Variants in KANK1 observed in about 807,000 individuals in gnomAD.
The protein encoded by KANK1 is KN motif and ankyrin repeat domain-containing protein 1.
KANK1 carries 109 observed loss-of-function variants against 106.2 expected under a neutral mutation model. The ratio of observed to expected loss-of-function variants is 1.03; its 90% CI spans 0.88 to 1.20. The LOEUF is 1.20. Among genes scored for constraint, KANK1 ranks in the 50% most tolerant of loss-of-function variants. The pLI is 0.00. For missense variants in KANK1, 2,399 were observed against 1,710.7 expected (o/e 1.40, Z -7.10); for synonymous variants, 873 against 652.2 (o/e 1.34, Z -5.16).
rs146251541 is a variant in KANK1, at chr9:688,233, A to G, written c.37+11224A>G. Among the ~76,000 whole-genome samples, 3 of 152,310 alleles carry G rather than the reference A, an allele frequency of 2.0e-5. No individual in the cohort carries two copies. The East Asian group carries it at 5.8e-4, about 29-fold the overall frequency. The stretch of plus-strand genomic sequence containing the variant: ...AGATGGCTTTTACTGTGTCACACAC[A>G]CACTCTTGCGTTCTGCCTCCTCTCG... On this transcript the variant is annotated intron_variant, in intron 2 of 11. Transcript: ENST00000382297.
rs187789003 is a variant in KANK1 at position 573,600 on chromosome 9, A to G, written c.-84+68846A>G. On this transcript the variant is annotated intron_variant, in intron 1 of 11. Coordinates refer to ENST00000382297, the MANE Select transcript of KANK1 (RefSeq NM_015158.5). Reference sequence around the variant, plus strand: ...TTTTTTTTTTAAAGCCAGAAGTAATATAAGTCGGTATCAGTGAGAAAAGGT... The same window carrying G: ...TTTTTTTTTTAAAGCCAGAAGTAATGTAAGTCGGTATCAGTGAGAAAAGGT... Among the ~76,000 whole-genome samples, 20 of 152,238 alleles carry G rather than the reference A, an allele frequency of 1.3e-4. No individual in the cohort carries two copies. In the East Asian group the frequency reaches 3.7e-3, roughly 28 times the overall value.
intron 3 of KANK1, among the ~76,000 whole-genome samples, chr9:499,418 G>T (rs2058512184): frequency 6.6e-6 from 1 of 152,154 alleles, no homozygotes; most frequent in African/African-American, 2.4e-5. Flanking sequence ...AAGGAAAGAT[G>T]TACAGAAGCC....
At chr9:499,561 C>T (rs2058515088) in intron 3 of KANK1, among the ~76,000 whole-genome samples, 1 of 152,108 alleles carries the variant, frequency 6.6e-6, no homozygotes. Context: ...GCCATCCTTG[C>T]AGAGGGGGCT....
intron 1 of KANK1, among the ~76,000 whole-genome samples, chr9:660,854 G>C (rs1392530011): frequency 6.6e-6 from 1 of 152,188 alleles, no homozygotes; most frequent in African/African-American, 2.4e-5. Context: ...CCAATAGCGA[G>C]GTGATAGGAC....
chr9:683,715 CT>C (rs538451043), intron 2 of KANK1, among the ~76,000 whole-genome samples: 17 of 152,266 alleles, frequency 1.1e-4, no homozygotes, highest in Admixed American at 1.1e-3. Context: ...TGGTAAGTTA[CT>C]TTTTTTCTTA....
At chr9:473,983 C>T (rs928857649) in intron 3 of KANK1, among the ~76,000 whole-genome samples, 4 of 152,182 alleles carry the variant, frequency 2.6e-5, no homozygotes, top group African/African-American at 9.7e-5. Context: ...TAGGTGTGAG[C>T]CAGTGTGCCA....
At chr9:564,987 GAGA>G (rs2134554911) in intron 1 of KANK1, among the ~76,000 whole-genome samples, 1 of 152,218 alleles carries the variant, frequency 6.6e-6, no homozygotes, top group African/African-American at 2.4e-5. Context: ...CGGCTTCACT[GAGA>G]AGGAGCCTGG....
intron 3 of KANK1, among the ~76,000 whole-genome samples, chr9:719,427 T>C (rs1164794061): frequency 6.6e-6 from 1 of 152,182 alleles, no homozygotes; most frequent in East Asian, 1.9e-4. Flanking sequence ...CTTTAAAAAT[T>C]AAATCAGAAT....
chr9:626,258 G>A (rs546802932), intron 1 of KANK1, among the ~76,000 whole-genome samples: 3 of 152,198 alleles, frequency 2.0e-5, no homozygotes, highest in South Asian at 4.1e-4. Flanking sequence ...GAGGTCGGGA[G>A]TGACTGGCCA....
In KANK1 at chr9:732,434, C is replaced by G. The variant is rs201759561; in HGVS notation, c.3062C>G (p.Ser1021Ter). The change falls in exon 6 of 12, where the codon TCA becomes TGA. Residue 1021 changes from serine to a stop codon, truncating the protein, a stop_gained. Coordinates refer to ENST00000382297, the MANE Select transcript of KANK1 (RefSeq NM_015158.5). LOFTEE classifies it high-confidence loss of function. ...SSSDESSSSE[S>*]DDECDVIEYP... Reference sequence around the variant, plus strand: ...TCAGATGAAAGCTCTTCTTCCGAGTCAGATGACGAGTGTGATGTCATTGAG... The same window carrying G: ...TCAGATGAAAGCTCTTCTTCCGAGTGAGATGACGAGTGTGATGTCATTGAG... The G allele has an allele frequency of 5.0e-6, 8 of 1,614,058 alleles. No homozygotes were observed. The Admixed American group carries it at 1.0e-4, about 20-fold the overall frequency.
At position 522,792 on chromosome 9, in the gene KANK1, T is replaced by C. The variant is rs1033856030; in HGVS notation, c.-84+18038T>C. The stretch of plus-strand genomic sequence containing the variant: ...TAGCAATGTGTGCCTGCCTGTGCTC[T>C]CCTGACCACCAGCCTCTGACCTACC... On this transcript the variant is annotated intron_variant, in intron 1 of 11. Transcript: ENST00000382297. Among the ~76,000 whole-genome samples the C allele has an allele frequency of 1.3e-5, 2 of 151,698 alleles. 1 individual carries two copies. Among genetic ancestry groups the C allele is most frequent in the Non-Finnish European group, 2.9e-5 (2 of 68,026 alleles).
At chr9:658,417 A>G (rs1563938979) in intron 1 of KANK1, among the ~76,000 whole-genome samples, 1 of 152,090 alleles carries the variant, frequency 6.6e-6, no homozygotes, top group South Asian at 2.1e-4. Flanking sequence ...TTAAAAACTC[A>G]GTAGCTGAAA....
In KANK1 at chr9:732,622, G is replaced by A. The variant is rs1391180389; in HGVS notation, c.3245+5G>A. Reference sequence around the variant, plus strand: ...GAAGGTGGAAATCAGAGAGAGGTGTGGTACATTCCCCTTCCCTCCCTTGCC... The same window carrying A: ...GAAGGTGGAAATCAGAGAGAGGTGTAGTACATTCCCCTTCCCTCCCTTGCC... On this transcript the variant is annotated splice_donor_5th_base_variant and intron_variant, in intron 6 of 11. Coordinates refer to ENST00000382297, the MANE Select transcript of KANK1 (RefSeq NM_015158.5). The A allele has an allele frequency of 1.2e-6, 2 of 1,611,878 alleles. No homozygotes were observed. The highest frequency in any genetic ancestry group is 1.3e-5 in the African/African-American group (1 of 75,016).
At chr9:623,899 A>C (rs1292062993) in intron 1 of KANK1, among the ~76,000 whole-genome samples, 1 of 152,194 alleles carries the variant, frequency 6.6e-6, no homozygotes, top group Non-Finnish European at 1.5e-5. Context: ...AAGACATCAA[A>C]TTAGTATGTC....
At chr9:679,135 C>G (rs942671489) in intron 2 of KANK1, among the ~76,000 whole-genome samples, 2 of 152,120 alleles carry the variant, frequency 1.3e-5, no homozygotes, top group Admixed American at 6.5e-5. Flanking sequence ...AGAAAGCTCT[C>G]CGATTTGTGA....
At chr9:630,662 G>A (rs1016864951) in intron 1 of KANK1, among the ~76,000 whole-genome samples, 8 of 152,200 alleles carry the variant, frequency 5.3e-5, no homozygotes, top group Non-Finnish European at 1.2e-4. Context: ...AGCACTTTGG[G>A]AGGCCAAGGC....
intron 2 of KANK1, among the ~76,000 whole-genome samples, chr9:694,383 T>C (rs978918540): frequency 6.6e-6 from 1 of 152,228 alleles, no homozygotes; most frequent in African/African-American, 2.4e-5. Context: ...TTGAAGAAAG[T>C]TTGGAAAATA....
intron 2 of KANK1, among the ~76,000 whole-genome samples, chr9:687,770 TTC>T (rs1222025741): frequency 1.3e-5 from 2 of 152,222 alleles, no homozygotes; most frequent in Non-Finnish European, 2.9e-5. Context: ...CTCTTCTTTA[TTC>T]CTTTTATTCT....
intron 1 of KANK1, among the ~76,000 whole-genome samples, chr9:608,702 C>T (rs1479805201): frequency 6.6e-6 from 1 of 152,096 alleles, no homozygotes; most frequent in Non-Finnish European, 1.5e-5. Context: ...AAATTGTTCA[C>T]AAAGGTTGTC....
Sources: allele counts gnomAD v4.1 joint callset (sites outside exome capture counted in the v4.1 genomes callset), GRCh38; gene constraint gnomAD v4.1.1; transcripts MANE v1.5; gene names NCBI Gene and HGNC (gene_info 2026-07-23, HGNC 2026-07-21).